The following NELL1 variants were observed in gnomAD, a reference collection of about 807,000 sequenced individuals.
The protein encoded by NELL1 is neural EGFL like 1.
NELL1 carries 76 observed loss-of-function variants against 107.4 expected under a neutral mutation model. That is an observed-to-expected ratio of 0.71 (90% CI 0.59 to 0.86). The LOEUF is 0.86. Ranked by LOEUF, NELL1 falls within the 40% of genes least tolerant of loss-of-function variation. The probability of loss-of-function intolerance (pLI) is 0.00; values close to 1 mark genes in which losing one functional copy is unlikely to be tolerated. For missense variants in NELL1, 1,024 were observed against 1,005.5 expected, an observed-to-expected ratio of 1.02 and a Z score of -0.25; for synonymous variants, 353 against 341.2, an observed-to-expected ratio of 1.03 and a Z score of -0.38.
intron 12 of NELL1, among the ~76,000 whole-genome samples, chr11:21,087,408 A>G (rs1168726463): frequency 1.3e-5 from 2 of 152,106 alleles, no homozygotes; most frequent in Non-Finnish European, 2.9e-5. Flanking sequence ...ATATTTTGCT[A>G]GTTACTAGAG....
At chr11:21,567,941 T>A (rs984476377) in intron 17 of NELL1, among the ~76,000 whole-genome samples, 7 of 151,872 alleles carry the variant, frequency 4.6e-5, no homozygotes, top group Non-Finnish European at 7.4e-5. Flanking sequence ...TAAGGCTTAA[T>A]GAGGTTTTAG....
At chr11:21,033,067 G>C (rs544431138) in intron 12 of NELL1, among the ~76,000 whole-genome samples, 2 of 152,104 alleles carry the variant, frequency 1.3e-5, no homozygotes, top group Admixed American at 1.3e-4. Context: ...GGCTCTCTTG[G>C]TGTGAAGTCT....
chr11:20,749,116 A>G (rs549561319), intron 2 of NELL1, among the ~76,000 whole-genome samples: 3 of 152,238 alleles, frequency 2.0e-5, no homozygotes, highest in African/African-American at 7.2e-5. Flanking sequence ...TAATGCAGCT[A>G]TTCTAGGGCT....
chr11:21,341,254 G>A (rs1850558046), intron 14 of NELL1, among the ~76,000 whole-genome samples: 1 of 152,172 alleles, frequency 6.6e-6, no homozygotes, highest in Admixed American at 6.5e-5. Flanking sequence ...CATCTACATT[G>A]TGATAGAGTT....
At chr11:20,674,364 C>T in intron 1 of NELL1, 1 of 714,084 alleles carries the variant, frequency 1.4e-6, no homozygotes, top group Non-Finnish European at 2.4e-6. Flanking sequence ...CAGCTGGGCA[C>T]CACCTATGTG....
At chr11:20,705,833 A>G (rs1854935561) in intron 2 of NELL1, among the ~76,000 whole-genome samples, 1 of 151,790 alleles carries the variant, frequency 6.6e-6, no homozygotes, top group Admixed American at 6.6e-5. Flanking sequence ...AAATCAAACA[A>G]CCCCATCAAA....
chr11:21,209,690 T>C (rs1857460560), intron 13 of NELL1, among the ~76,000 whole-genome samples: 1 of 152,142 alleles, frequency 6.6e-6, no homozygotes, highest in South Asian at 2.1e-4. Context: ...GCAATTATCA[T>C]AATCTGGTTT....
At chr11:21,282,948 T>C (rs1849030976) in intron 14 of NELL1, among the ~76,000 whole-genome samples, 1 of 151,680 alleles carries the variant, frequency 6.6e-6, no homozygotes. Context: ...TGTATGTTCT[T>C]ACTTATTTGT....
intron 10 of NELL1, among the ~76,000 whole-genome samples, chr11:20,943,871 T>C (rs1383774361): frequency 6.6e-6 from 1 of 152,216 alleles, no homozygotes; most frequent in Non-Finnish European, 1.5e-5. Context: ...TTTTTCAGTC[T>C]ATCTGAGAAT....
chr11:20,960,618 G>A, intron 12 of NELL1, 58 bp downstream of exon 12: 2 of 1,586,156 alleles, frequency 1.3e-6, no homozygotes, highest in Non-Finnish European at 1.7e-6. Flanking sequence ...GTGTATGCCT[G>A]GTAGATGTGG....
At chr11:20,671,303 T>C (rs1853903003) in intron 1 of NELL1, 1 of 152,196 alleles carries the variant, frequency 6.6e-6, no homozygotes, top group African/African-American at 2.4e-5. Flanking sequence ...GTGCAGAGCG[T>C]GGGCTACTGG....
At chr11:21,042,896 T>C (rs1310563396) in intron 12 of NELL1, among the ~76,000 whole-genome samples, 1 of 152,184 alleles carries the variant, frequency 6.6e-6, no homozygotes, top group Non-Finnish European at 1.5e-5. Context: ...TTTCATTTCA[T>C]TTGAAATGCC....
At chr11:21,177,811 A>T (rs1423248163) in intron 13 of NELL1, among the ~76,000 whole-genome samples, 1 of 151,780 alleles carries the variant, frequency 6.6e-6, no homozygotes, top group Non-Finnish European at 1.5e-5. Flanking sequence ...TAATCGTTCT[A>T]ACAGGTGTGA....
At chr11:21,005,602 G>T (rs1852311696) in intron 12 of NELL1, among the ~76,000 whole-genome samples, 1 of 152,148 alleles carries the variant, frequency 6.6e-6, no homozygotes, top group Non-Finnish European at 1.5e-5. Context: ...TGTTGATAAA[G>T]ACTGTGTTCA....
rs147672720 is a variant in NELL1, at chr11:21,274,244, G to T, written c.1549+44790G>T. 2.1e-3 allele frequency among the ~76,000 whole-genome samples: 325 copies of T among 152,278 alleles called. 8 individuals carry two copies. The East Asian group carries it at 0.038, about 18-fold the overall frequency. ...AAATGGAAAACAAAAAAAAGCAGGG[G>T]TTGCAATCCTAGTCTCTGATAAAAC... On this transcript the variant is annotated intron_variant, in intron 14 of 19. Coordinates refer to ENST00000357134, the MANE Select transcript of NELL1 (RefSeq NM_006157.5).
At chr11:20,796,854 G>C (rs1385677422) in intron 3 of NELL1, among the ~76,000 whole-genome samples, 2 of 152,072 alleles carry the variant, frequency 1.3e-5, no homozygotes, top group Non-Finnish European at 2.9e-5. Context: ...AAAGGAGTCA[G>C]AAATTCTTTC....
chr11:20,798,377 G>A (rs567600774), intron 3 of NELL1, among the ~76,000 whole-genome samples: 2 of 152,286 alleles, frequency 1.3e-5, no homozygotes, highest in South Asian at 4.1e-4. Context: ...ATTTTGGATT[G>A]CCTAGTGTTT....
At chr11:20,892,453 G>A (rs1188880976) in intron 5 of NELL1, among the ~76,000 whole-genome samples, 1 of 152,160 alleles carries the variant, frequency 6.6e-6, no homozygotes, top group Non-Finnish European at 1.5e-5. Flanking sequence ...GTGAGGCTGT[G>A]GAGAAATAGG....
chr11:21,462,465 C>T (rs894801370), intron 15 of NELL1, among the ~76,000 whole-genome samples: 2 of 151,932 alleles, frequency 1.3e-5, no homozygotes, highest in African/African-American at 4.8e-5. Context: ...TACAATGTGG[C>T]ATTTTCTTTA....
Sources: allele counts gnomAD v4.1 joint callset (sites outside exome capture counted in the v4.1 genomes callset), GRCh38; gene constraint gnomAD v4.1.1; transcripts MANE v1.5; gene names NCBI Gene and HGNC (gene_info 2026-07-23, HGNC 2026-07-21).